Variants in DMC1 observed in about 807,000 individuals in gnomAD.
DMC1 encodes meiotic recombination protein DMC1 homolog.
Under a neutral mutation model 50.1 loss-of-function variants are expected in DMC1, and 27 were observed. That is an observed-to-expected ratio of 0.54 (90% CI 0.40 to 0.74). DMC1 has a LOEUF of 0.74. DMC1 is among the 30% of genes least tolerant of loss of function. The probability of loss-of-function intolerance (pLI) is 0.00; values close to 1 mark genes in which losing one functional copy is unlikely to be tolerated. For missense variants in DMC1, 295 were observed against 420.2 expected, an observed-to-expected ratio of 0.70 and a Z score of 2.60; for synonymous variants, 148 against 136.1, an observed-to-expected ratio of 1.09 and a Z score of -0.61.
intron 6 of DMC1, among the ~76,000 whole-genome samples, chr22:38,554,473 C>A (rs965430650): frequency 2.0e-5 from 3 of 149,396 alleles, no homozygotes; most frequent in East Asian, 2.0e-4. Context: ...AGATTTAGTT[C>A]TCCAAGGACA....
chr22:38,567,592 T>G lies in DMC1; in HGVS notation c.87A>C (p.Lys29Asn), dbSNP rs1470539818. ...SLFQDIDLLQ[K>N]HGINVADIKK... ...TTGAAAAACTACTTACAATTCCATGTTTCTGTAACAGGTCAATATCTTGAA... is the reference window on the plus strand; with the variant it reads ...TTGAAAAACTACTTACAATTCCATGGTTCTGTAACAGGTCAATATCTTGAA... Residue 29 changes from lysine to asparagine, a missense_variant, in exon 3 of 14, where the codon AAA becomes AAC. Transcript: ENST00000216024. 1 of 1,609,718 alleles carries G rather than the reference T, an allele frequency of 6.2e-7. No individual in the cohort carries two copies. The highest frequency in any genetic ancestry group is 8.5e-7 in the Non-Finnish European group (1 of 1,176,020).
At chr22:38,515,805 A>G (rs1188193418), downstream of DMC1, among the ~76,000 whole-genome samples, 1 of 152,090 alleles carries the variant, frequency 6.6e-6, no homozygotes. Flanking sequence ...CTCAAAAATC[A>G]ATCAATAAAT....
At chr22:38,545,140 G>A (rs2090329919) in intron 8 of DMC1, among the ~76,000 whole-genome samples, 1 of 152,062 alleles carries the variant, frequency 6.6e-6, no homozygotes, top group South Asian at 2.1e-4. Flanking sequence ...CAGGCATGGT[G>A]GCTTATATCT....
intron 8 of DMC1, among the ~76,000 whole-genome samples, chr22:38,539,738 C>A (rs1031724292): frequency 1.3e-5 from 2 of 152,086 alleles, no homozygotes; most frequent in Admixed American, 1.3e-4. Context: ...CACTGGCAAA[C>A]AGAGATTAGG....
chr22:38,549,893 A>T (rs202065329), intron 8 of DMC1, 32 bp downstream of exon 8: 1 of 1,501,098 alleles, frequency 6.7e-7, no homozygotes, highest in Admixed American at 1.7e-5. Flanking sequence ...ATATCACACT[A>T]TTATGTTAGC....
chr22:38,569,720 G>A (rs2090619187), intron 1 of DMC1, among the ~76,000 whole-genome samples: 1 of 152,230 alleles, frequency 6.6e-6, no homozygotes, highest in African/African-American at 2.4e-5. Context: ...CCTCTGGTGG[G>A]GGCAGCAGCG....
chr22:38,555,993 G>A (rs2090465829), intron 5 of DMC1, among the ~76,000 whole-genome samples: 1 of 151,906 alleles, frequency 6.6e-6, no homozygotes, highest in South Asian at 2.1e-4. Context: ...CACCACGCCA[G>A]GCTAATTTTT....
downstream of DMC1, among the ~76,000 whole-genome samples, chr22:38,517,517 T>C (rs1046385871): frequency 2.0e-5 from 3 of 152,066 alleles, no homozygotes; most frequent in African/African-American, 7.2e-5. Flanking sequence ...TTCAGTGAGC[T>C]GAGATTGCGC....
the DMC1 span, among the ~76,000 whole-genome samples, chr22:38,511,267 C>T: frequency 6.6e-6 from 1 of 151,862 alleles, no homozygotes; most frequent in Non-Finnish European, 1.5e-5. Context: ...CAACCATTCT[C>T]CCTTTCTCCC....
intron 12 of DMC1, 152 bp downstream of exon 12, chr22:38,537,440 C>T: frequency 1.5e-6 from 1 of 678,998 alleles, no homozygotes; most frequent in South Asian, 1.5e-5. Flanking sequence ...TCTCCATCTC[C>T]TGACCTCGTG....
chr22:38,556,899 C>T (rs909966780), intron 5 of DMC1, among the ~76,000 whole-genome samples: 2 of 152,134 alleles, frequency 1.3e-5, no homozygotes, highest in African/African-American at 4.8e-5. Flanking sequence ...GGGCTGCAGA[C>T]TTCAATAAGG....
chr22:38,547,541 TTTTTG>T (rs895946367), intron 8 of DMC1, among the ~76,000 whole-genome samples: 1 of 150,904 alleles, frequency 6.6e-6, no homozygotes, highest in African/African-American at 2.5e-5. Flanking sequence ...TTCCTATTTG[TTTTTG>T]TTTTTTTTTT....
chr22:38,555,191 G>C (rs16999086), intron 6 of DMC1, among the ~76,000 whole-genome samples, 166 bp downstream of exon 6: 1,565 of 152,050 alleles, frequency 0.01, 35 homozygotes, highest in African/African-American at 0.036. Flanking sequence ...TATTTTCGTT[G>C]CAGTACAGAA....
chr22:38,521,552 C>T, intron 13 of DMC1, 56 bp downstream of exon 13: 1 of 853,556 alleles, frequency 1.2e-6, no homozygotes, highest in Admixed American at 1.9e-5. Context: ...CACACACACA[C>T]ACACACACAC....
chr22:38,553,736 G>T (rs900777855), intron 6 of DMC1, among the ~76,000 whole-genome samples: 2 of 151,090 alleles, frequency 1.3e-5, no homozygotes, highest in African/African-American at 2.4e-5. Flanking sequence ...AGGCGGGCAG[G>T]CTGCATGAGC....
downstream of DMC1, among the ~76,000 whole-genome samples, chr22:38,514,533 GGCATT>G (rs2089963307): frequency 6.6e-6 from 1 of 151,350 alleles, no homozygotes; most frequent in Non-Finnish European, 1.5e-5. Flanking sequence ...TGAGCCACCA[GGCATT>G]CTTAATCACA....
chr22:38,522,456 G>A (rs958713323), intron 12 of DMC1, among the ~76,000 whole-genome samples: 11 of 152,012 alleles, frequency 7.2e-5, no homozygotes, highest in African/African-American at 2.4e-4. Flanking sequence ...CAGCTACTCT[G>A]GAGGCTGAGG....
intron 7 of DMC1, among the ~76,000 whole-genome samples, chr22:38,552,210 G>A (rs2090421109): frequency 6.6e-6 from 1 of 152,164 alleles, no homozygotes; most frequent in Non-Finnish European, 1.5e-5. Context: ...ATAGCTCAAA[G>A]AAATGCACAG....
chr22:38,509,282 G>C, the DMC1 span, among the ~76,000 whole-genome samples: 1 of 152,120 alleles, frequency 6.6e-6, no homozygotes, highest in Non-Finnish European at 1.5e-5. Context: ...ATTAGGCCCA[G>C]CATCCGTTAG....
Sources: allele counts gnomAD v4.1 joint callset (sites outside exome capture counted in the v4.1 genomes callset), GRCh38; gene constraint gnomAD v4.1.1; transcripts MANE v1.5; gene names NCBI Gene and HGNC (gene_info 2026-07-23, HGNC 2026-07-21).